The following FANCD2 variants were observed in gnomAD, a reference collection of about 807,000 sequenced individuals.
FANCD2 encodes FA complementation group D2, also known as Fanconi anemia group D2 protein.
FANCD2 carries 131 observed loss-of-function variants against 192.3 expected under a neutral mutation model. That is an observed-to-expected ratio of 0.68 (90% confidence interval 0.59 to 0.79). The LOEUF is 0.79. FANCD2 is among the 30% of genes least tolerant of loss of function. The probability of loss-of-function intolerance (pLI) is 0.00; values close to 1 mark genes in which losing one functional copy is unlikely to be tolerated. For synonymous variants in FANCD2, 524 were observed against 612.5 expected, an observed-to-expected ratio of 0.86 and a Z score of 2.13; for missense variants, 1,508 against 1,701.6, an observed-to-expected ratio of 0.89 and a Z score of 2.00.
intron 30 of FANCD2, among the ~76,000 whole-genome samples, chr3:10,079,046 G>A (rs1369726298): frequency 1.3e-5 from 2 of 151,992 alleles, no homozygotes; most frequent in Non-Finnish European, 2.9e-5. Context: ...TTTGAGACCA[G>A]CCTGGCCAAC....
In FANCD2 at chr3:10,046,416, A is replaced by G. The variant is rs1367203596; in HGVS notation, c.1135-164A>G. On this transcript the variant is annotated intron_variant, in intron 14 of 43. Transcript: ENST00000675286. ...GTGGCACTTTATTTATCTGAAAAAT[A>G]TTTCTGAGTTTTGTGAAAAGTGTAG... is the stretch of plus-strand genomic sequence containing the variant. The G allele has an allele frequency of 8.5e-6, 10 of 1,182,828 alleles. No homozygotes were observed. The East Asian group carries it at 1.3e-4, about 16-fold the overall frequency. The allele number at this position is 1,182,828 out of a possible 1,614,324, so 73.3% of individuals were successfully genotyped here. A position where few individuals can be genotyped will look rare whatever the true frequency, so the allele number is the denominator to read the frequency against.
At chr3:10,076,032 T>C (rs1406730960) in intron 29 of FANCD2, among the ~76,000 whole-genome samples, 2 of 143,778 alleles carry the variant, frequency 1.4e-5, no homozygotes, top group East Asian at 3.9e-4. Context: ...CGCCCAGCCA[T>C]ATCTTTTTTT....
chr3:10,101,577 G>T lies in FANCD2; in HGVS notation c.*315G>T. The T allele has an allele frequency of 2.5e-6, 1 of 392,326 alleles. No homozygotes were observed. Among genetic ancestry groups the T allele is most frequent in the Non-Finnish European group, 4.8e-6 (1 of 209,178 alleles). The allele number at this position is 392,326 out of a possible 1,614,324, so 24.3% of individuals were successfully genotyped here. A position where few individuals can be genotyped will look rare whatever the true frequency, so the allele number is the denominator to read the frequency against. ...ATTTTTGTATTTTTAGTAGATACGGGGTTTTACCATGTCGGCCAGATGGTC... is the reference window on the plus strand; with the variant it reads ...ATTTTTGTATTTTTAGTAGATACGGTGTTTTACCATGTCGGCCAGATGGTC... On this transcript the variant is annotated 3_prime_UTR_variant, in exon 44 of 44. Transcript: ENST00000675286.
At chr3:10,056,441 A>G (rs1457676383) in intron 18 of FANCD2, among the ~76,000 whole-genome samples, 2 of 152,120 alleles carry the variant, frequency 1.3e-5, no homozygotes, top group Non-Finnish European at 2.9e-5. Flanking sequence ...CCCACCAACA[A>G]TGTATGTAGG....
chr3:10,040,797 C>T lies in FANCD2; in HGVS notation c.696-826C>T, dbSNP rs971060230. On this transcript the variant is annotated intron_variant, in intron 9 of 43. Transcript: ENST00000675286. ...CATCCAGTGATTTCTTGCCCTCATC[C>T]TTTTGGGCAGGATGCTCCTTCTGGG... 24 of 327,980 alleles carry T rather than the reference C, an allele frequency of 7.3e-5. No individual in the cohort carries two copies. In the East Asian group the frequency reaches 2.1e-3, roughly 29 times the overall value. The allele number at this position is 327,980 out of a possible 1,614,324, so 20.3% of individuals were successfully genotyped here.
chr3:10,100,240 C>T (rs891810629), intron 43 of FANCD2, among the ~76,000 whole-genome samples: 6 of 152,214 alleles, frequency 3.9e-5, no homozygotes, highest in African/African-American at 1.4e-4. Flanking sequence ...TATACCCCTT[C>T]TACTTTTTTC....
Position 10,101,883 on chromosome 3 carries a change from A to C in FANCD2, c.*621A>C. 1 of 187,050 alleles carries C rather than the reference A, an allele frequency of 5.3e-6. No individual in the cohort carries two copies. Among genetic ancestry groups the C allele is most frequent in the Non-Finnish European group, 1.1e-5 (1 of 88,582 alleles). The allele number at this position is 187,050 out of a possible 1,614,324, so 11.6% of individuals were successfully genotyped here. A position where few individuals can be genotyped will look rare whatever the true frequency, so the allele number is the denominator to read the frequency against. ...TAGTTTTGAAACTCTGATTTATTGT[A>C]GAACTTAGGCTTGTACCAATTTTAC... On this transcript the variant is annotated 3_prime_UTR_variant, in exon 44 of 44. Transcript: ENST00000675286.
intron 18 of FANCD2, among the ~76,000 whole-genome samples, chr3:10,054,982 G>A (rs928001376): frequency 5.3e-5 from 8 of 152,014 alleles, no homozygotes; most frequent in African/African-American, 1.9e-4. Flanking sequence ...TCCCACAGGG[G>A]CAATCACTTT....
intron 26 of FANCD2, 150 bp from the exon 27 acceptor site, chr3:10,072,721 A>G (rs551629045): frequency 1.0e-4 from 66 of 661,324 alleles, no homozygotes; most frequent in African/African-American, 9.9e-4. Context: ...TGCCAAAACA[A>G]TGTCAGATGA....
In FANCD2 at chr3:10,078,147, C is replaced by A. The variant is rs753809948; in HGVS notation, c.2926C>A (p.Leu976Met). Reference sequence around the variant, plus strand: ...CTTGCTGGAAGATCTCTCCCAGAAGCTGGAGAGTATGCTGACACCTCCTAT... The same window carrying A: ...CTTGCTGGAAGATCTCTCCCAGAAGATGGAGAGTATGCTGACACCTCCTAT... The part of the protein sequence containing the change: ...LFLLEDLSQK[L>M]ESMLTPPIAR... The change falls in exon 30 of 44, where the codon CTG becomes ATG. Residue 976 changes from leucine to methionine, a missense_variant. This residue lies in a region of FANCD2 where 796 missense variants were observed against 879.4 expected (regional missense o/e 0.91). Transcript: ENST00000675286. 2.5e-6 allele frequency: 4 copies of A among 1,613,674 alleles called. No homozygotes were observed. The highest frequency in any genetic ancestry group is 3.4e-6 in the Non-Finnish European group (4 of 1,179,768).
At position 10,081,356 on chromosome 3, in the gene FANCD2, C is replaced by A. The variant is rs1262515948; in HGVS notation, c.3116C>A (p.Ala1039Asp). The change falls in exon 32 of 44, where the codon GCT (alanine) becomes GAT (aspartate). Residue 1039 changes from alanine to aspartate, a missense_variant. By Grantham distance (126) the Ala-to-Asp change is moderately radical (BLOSUM62 -2). Transcript: ENST00000675286. The stretch of plus-strand genomic sequence containing the variant: ...CATTTTTATTTTTAGTGTTTAGCTG[C>A]TGAGAATCACGGTGTAGTTGATGGA... Reference protein sequence around the residue: ...NIHNYFQCLAAENHGVVDGPG... With the variant: ...NIHNYFQCLADENHGVVDGPG... 1 of 1,613,662 alleles carries A rather than the reference C, an allele frequency of 6.2e-7. No homozygotes were observed. Among genetic ancestry groups the A allele is most frequent in the Non-Finnish European group, 8.5e-7 (1 of 1,179,724 alleles).
rs185724291 is a variant in FANCD2 at position 10,068,261 on chromosome 3, A to G, written c.2494+944A>G. On this transcript the variant is annotated intron_variant, in intron 26 of 43. Transcript: ENST00000675286. ...GGAAAAGCCTAAAGACTCCACCAAA[A>G]AACTATTAGATAAATTCAGTAAAGT... Among the ~76,000 whole-genome samples the G allele has an allele frequency of 3.3e-5, 5 of 152,320 alleles. No individual in the cohort carries two copies. In the East Asian group the frequency reaches 9.6e-4, roughly 29 times the overall value.
chr3:10,098,062 G>T (rs1453886183), intron 42 of FANCD2, among the ~76,000 whole-genome samples: 2 of 152,100 alleles, frequency 1.3e-5, no homozygotes, highest in Non-Finnish European at 2.9e-5. Flanking sequence ...ACATTTTTCA[G>T]ATAGGGTAGT....
At chr3:10,052,856 A>G (rs527710953) in intron 18 of FANCD2, among the ~76,000 whole-genome samples, 7 of 147,052 alleles carry the variant, frequency 4.8e-5, no homozygotes, top group South Asian at 2.3e-4. Context: ...TAGAATGGCA[A>G]TCATTAAAAA....
rs1695302185 is a variant in FANCD2, at chr3:10,101,534, T to C, written c.*272T>C. ...CTGAGTAGCTGGGACGACAGGCACA[T>C]GCCACCATGCCCAGCTAATTTTTGT... On this transcript the variant is annotated 3_prime_UTR_variant, in exon 44 of 44. Coordinates refer to ENST00000675286, the MANE Select transcript of FANCD2 (RefSeq NM_001018115.3). 7 of 443,910 alleles carry C rather than the reference T, an allele frequency of 1.6e-5. No homozygotes were observed. The highest frequency in any genetic ancestry group is 1.4e-4 in the South Asian group (6 of 44,128). The allele number at this position is 443,910 out of a possible 1,614,324, so 27.5% of individuals were successfully genotyped here. A position where few individuals can be genotyped will look rare whatever the true frequency, so the allele number is the denominator to read the frequency against.
chr3:10,069,459 G>GGCTCCCCCCCCCCC (rs758011243), intron 26 of FANCD2, among the ~76,000 whole-genome samples: 3 of 129,426 alleles, frequency 2.3e-5, no homozygotes, highest in Admixed American at 7.2e-5. Context: ...TAGTTAAGAT[G>GGCTCCCCCCCCCCC]CCTCTCCCCC....
intron 32 of FANCD2, chr3:10,083,660 G>A (rs772815874): frequency 2.6e-5 from 4 of 152,120 alleles, no homozygotes; most frequent in African/African-American, 4.8e-5. Context: ...AGGCCGAGGC[G>A]GGCAGATCAT....
intron 2 of FANCD2, among the ~76,000 whole-genome samples, chr3:10,031,820 C>G (rs2086609747): frequency 6.6e-6 from 1 of 152,064 alleles, no homozygotes. Context: ...GATTTTGACT[C>G]AGTAACTCTG....
chr3:10,062,036 G>T (rs2087584165), intron 19 of FANCD2, 115 bp from the exon 20 acceptor site: 5 of 674,102 alleles, frequency 7.4e-6, no homozygotes, highest in South Asian at 6.4e-5. Flanking sequence ...GAGTTAATGG[G>T]TGCAGCACAC....
Sources: allele counts gnomAD v4.1 joint callset (sites outside exome capture counted in the v4.1 genomes callset), GRCh38; gene constraint gnomAD v4.1.1; regional missense constraint gnomAD v4.1.1; transcripts MANE v1.5; gene names NCBI Gene and HGNC (gene_info 2026-07-23, HGNC 2026-07-21).